Variants in UBE2D4 observed in about 807,000 individuals in gnomAD.
The protein encoded by UBE2D4 is ubiquitin conjugating enzyme E2 D4, also known as ubiquitin-conjugating enzyme E2 D4.
Under a neutral mutation model 23.0 loss-of-function variants are expected in UBE2D4, and 17 were observed. The ratio of observed to expected loss-of-function variants is 0.74; its 90% CI spans 0.51 to 1.11. The LOEUF (loss-of-function observed/expected upper bound fraction) is 1.11, where lower values mean the gene tolerates loss of function less well. Ranked by LOEUF, UBE2D4 falls within the 50% of genes least tolerant of loss-of-function variation. UBE2D4 has a pLI of 0.00. For missense variants in UBE2D4, 139 were observed against 181.8 expected (o/e 0.76, Z 1.35); for synonymous variants, 61 against 69.4 (o/e 0.88, Z 0.60).
At chr7:43,933,061 A>G (rs997017926) in intron 1 of UBE2D4, among the ~76,000 whole-genome samples, 9 of 146,554 alleles carry the variant, frequency 6.1e-5, no homozygotes, top group Non-Finnish European at 1.2e-4. Context: ...TATATAACAT[A>G]TATACACACA....
intron 4 of UBE2D4, among the ~76,000 whole-genome samples, chr7:43,946,956 T>A (rs1202854023): frequency 6.6e-6 from 1 of 152,086 alleles, no homozygotes; most frequent in African/African-American, 2.4e-5. Context: ...GGTATACATG[T>A]GCCATGTTGG....
At chr7:43,947,518 T>C (rs1181705598) in intron 4 of UBE2D4, among the ~76,000 whole-genome samples, 6 of 152,224 alleles carry the variant, frequency 3.9e-5, no homozygotes, top group Non-Finnish European at 7.3e-5. Context: ...TGTGAACTTA[T>C]CCTTTTTTAT....
Position 43,952,887 on chromosome 7 carries a change from C to G in UBE2D4, c.*192C>G, listed in dbSNP as rs1029421216. 4 of 549,298 alleles carry G rather than the reference C, an allele frequency of 7.3e-6. No individual in the cohort carries two copies. The highest frequency in any genetic ancestry group is 1.3e-5 in the Non-Finnish European group (4 of 299,916). The allele number at this position is 549,298 out of a possible 1,614,324, so 34.0% of individuals were successfully genotyped here. A position where few individuals can be genotyped will look rare whatever the true frequency, so the allele number is the denominator to read the frequency against. Reference sequence around the variant, plus strand: ...GCAATTACGGCTTTGACAGTGCCACCTCTTTGATGCCAAATCAGCAACCAT... The same window carrying G: ...GCAATTACGGCTTTGACAGTGCCACGTCTTTGATGCCAAATCAGCAACCAT... On this transcript the variant is annotated 3_prime_UTR_variant, in exon 7 of 7. Transcript: ENST00000222402.
chr7:43,946,218 G>A (rs1325211899), intron 4 of UBE2D4: 1 of 152,156 alleles, frequency 6.6e-6, no homozygotes, highest in Non-Finnish European at 1.5e-5. Flanking sequence ...GCACATCACA[G>A]ACAGCGGACT....
chr7:43,936,124 C>A (rs560718887), intron 1 of UBE2D4, among the ~76,000 whole-genome samples: 1 of 152,214 alleles, frequency 6.6e-6, no homozygotes, highest in African/African-American at 2.4e-5. Flanking sequence ...CTGCCTACCT[C>A]GGCCTCCCAA....
chr7:43,933,599 G>T (rs529474573), intron 1 of UBE2D4, among the ~76,000 whole-genome samples: 1 of 152,136 alleles, frequency 6.6e-6, no homozygotes, highest in East Asian at 1.9e-4. Context: ...AATTAGCTGG[G>T]CATGGTGGTG....
At chr7:43,945,390 C>G (rs1330337419) in intron 4 of UBE2D4, among the ~76,000 whole-genome samples, 1 of 152,164 alleles carries the variant, frequency 6.6e-6, no homozygotes, top group African/African-American at 2.4e-5. Flanking sequence ...GACAGTGACA[C>G]TCTATGAGAG....
At chr7:43,926,781 CG>C (rs1221454707) in intron 1 of UBE2D4, among the ~76,000 whole-genome samples, 2 of 152,194 alleles carry the variant, frequency 1.3e-5, no homozygotes, top group African/African-American at 4.8e-5. Flanking sequence ...ACGAGGGCTG[CG>C]TCATGCGGGC....
chr7:43,929,103 C>A (rs2095939894), intron 1 of UBE2D4, among the ~76,000 whole-genome samples: 1 of 151,924 alleles, frequency 6.6e-6, no homozygotes, highest in African/African-American at 2.4e-5. Flanking sequence ...ACCAACTGGG[C>A]AACACAGCAA....
chr7:43,952,543 A>T, intron 6 of UBE2D4, 107 bp from the exon 7 acceptor site: 1 of 1,003,206 alleles, frequency 1.0e-6, no homozygotes, highest in Non-Finnish European at 1.6e-6. Context: ...GATGTTTGAC[A>T]AGCAGCAGCA....
At chr7:43,950,384 G>GTA (rs945249569) in intron 5 of UBE2D4, among the ~76,000 whole-genome samples, 3 of 152,170 alleles carry the variant, frequency 2.0e-5, no homozygotes, top group Non-Finnish European at 4.4e-5. Flanking sequence ...CAGGAGGGAA[G>GTA]TATCCTAGCA....
At chr7:43,929,413 G>A (rs1447642402) in intron 1 of UBE2D4, among the ~76,000 whole-genome samples, 4 of 146,472 alleles carry the variant, frequency 2.7e-5, no homozygotes, top group South Asian at 2.2e-4. Context: ...GTGACAGAGC[G>A]AGACTCTGTC....
Position 43,953,509 on chromosome 7 carries a change from CAAG to C in UBE2D4, c.*815_*817del, listed in dbSNP as rs1459266229. Reference sequence around the variant, plus strand: ...TGTGAGCCATTCACAGACTAGAACACAAGGAGGGAGAGAGACTCTTAAACGTAA... The same window carrying C: ...TGTGAGCCATTCACAGACTAGAACACGAGGGAGAGAGACTCTTAAACGTAA... On this transcript the variant is annotated 3_prime_UTR_variant, in exon 7 of 7. Coordinates refer to ENST00000222402, the MANE Select transcript of UBE2D4 (RefSeq NM_015983.4). The C allele has an allele frequency of 8.3e-6, 2 of 241,346 alleles. No individual in the cohort carries two copies. Among genetic ancestry groups the C allele is most frequent in the Middle Eastern group, 1.6e-3 (1 of 614 alleles). The allele number at this position is 241,346 out of a possible 1,614,324, so 15.0% of individuals were successfully genotyped here.
At chr7:43,946,299 A>G (rs1027172416) in intron 4 of UBE2D4, 4 of 152,244 alleles carry the variant, frequency 2.6e-5, no homozygotes, top group Admixed American at 6.5e-5. Context: ...CTGAGGTCCA[A>G]GGTCATTTGA....
chr7:43,929,136 A>G (rs1038177838), intron 1 of UBE2D4, among the ~76,000 whole-genome samples: 1 of 152,120 alleles, frequency 6.6e-6, no homozygotes, highest in Non-Finnish European at 1.5e-5. Flanking sequence ...ACTAAAAATA[A>G]AAAAATGGCC....
intron 6 of UBE2D4, 78 bp downstream of exon 6, chr7:43,950,770 T>C (rs572695556): frequency 1.7e-6 from 2 of 1,193,470 alleles, no homozygotes; most frequent in Non-Finnish European, 2.5e-6. Context: ...TCTGAGCTGG[T>C]GCTTCTAGGC....
In UBE2D4 at chr7:43,953,013, C is replaced by T. The variant is rs1444952051; in HGVS notation, c.*318C>T. The T allele has an allele frequency of 9.7e-6, 4 of 410,398 alleles. No homozygotes were observed. Among genetic ancestry groups the T allele is most frequent in the South Asian group, 5.7e-5 (3 of 52,644 alleles). 25.4% of individuals were successfully genotyped at this position (410,398 alleles called of 1,614,324 possible). On this transcript the variant is annotated 3_prime_UTR_variant, in exon 7 of 7. Coordinates refer to ENST00000222402, the MANE Select transcript of UBE2D4 (RefSeq NM_015983.4). ...TTGGGGGGCCAGGCCCTGCACGTCT[C>T]TCCTACCCGGCCTCAAATGGTGCTG...
intron 1 of UBE2D4, among the ~76,000 whole-genome samples, chr7:43,927,302 T>TC (rs2095934079): frequency 8.0e-6 from 1 of 124,232 alleles, no homozygotes; most frequent in African/African-American, 2.6e-5. Flanking sequence ...TTTATAACTT[T>TC]TTTTTTTTTT....
rs745327853 is a variant in UBE2D4, at chr7:43,926,515, C to T, written c.-18C>T. On this transcript the variant is annotated 5_prime_UTR_variant, in exon 1 of 7. Transcript: ENST00000222402. ...GCAGCCCCGGCCGGGCCGCCCGGGT[C>T]CCCGGCAGCGGGGTAGGATGGCGCT... The T allele has an allele frequency of 2.0e-6, 3 of 1,525,158 alleles. No homozygotes were observed. In the South Asian group the frequency reaches 3.7e-5, roughly 19 times the overall value. The allele number at this position is 1,525,158 out of a possible 1,614,324, so 94.5% of individuals were successfully genotyped here. A position where few individuals can be genotyped will look rare whatever the true frequency, so the allele number is the denominator to read the frequency against.
Sources: allele counts gnomAD v4.1 joint callset (sites outside exome capture counted in the v4.1 genomes callset), GRCh38; gene constraint gnomAD v4.1.1; transcripts MANE v1.5; gene names NCBI Gene and HGNC (gene_info 2026-07-23, HGNC 2026-07-21).